The following AFAP1 variants were observed in gnomAD, a reference collection of about 807,000 sequenced individuals.
AFAP1 encodes actin filament associated protein 1.
Under a neutral mutation model 93.9 loss-of-function variants are expected in AFAP1, and 75 were observed. That is an observed-to-expected ratio of 0.80 (90% CI 0.66 to 0.97). The LOEUF (loss-of-function observed/expected upper bound fraction) is 0.97. Ranked by LOEUF, AFAP1 falls within the 50% of genes least tolerant of loss-of-function variation. The probability of loss-of-function intolerance (pLI) is 0.00; values close to 1 mark genes in which losing one functional copy is unlikely to be tolerated. For synonymous variants in AFAP1, 517 were observed against 430.7 expected (o/e 1.20, Z -2.48); for missense variants, 1,201 against 1,050.8 (o/e 1.14, Z -1.98).
chr4:7,816,084 T>C lies in AFAP1; in HGVS notation c.838A>G (p.Arg280Gly). 1.9e-6 allele frequency: 3 copies of C among 1,612,696 alleles called. No individual in the cohort carries two copies. The highest frequency in any genetic ancestry group is 2.5e-6 in the Non-Finnish European group (3 of 1,179,472). The change falls in exon 8 of 18, where the codon AGA becomes GGA. Residue 280 changes from arginine to glycine, a missense_variant. Coordinates refer to ENST00000420658, the MANE Select transcript of AFAP1 (RefSeq NM_001134647.2). ...AELEKKLSSE[R>G]PSSDGEGVVE... ...ACACCCTCCCCATCTGAGCTGGGTCTCTCTGAAGACAGTTTCTGTAAGGAG... is the reference window on the plus strand; with the variant it reads ...ACACCCTCCCCATCTGAGCTGGGTCCCTCTGAAGACAGTTTCTGTAAGGAG...
intron 2 of AFAP1, 94 bp downstream of exon 2, chr4:7,871,854 GAACA>G (rs1247432033): frequency 2.7e-6 from 4 of 1,462,836 alleles, no homozygotes; most frequent in Admixed American, 4.4e-5. Flanking sequence ...GTAAGTTAAA[GAACA>G]AATAAATATA....
intron 1 of AFAP1, among the ~76,000 whole-genome samples, chr4:7,890,022 A>AG (rs973837188): frequency 1.3e-5 from 2 of 150,740 alleles, no homozygotes; most frequent in Non-Finnish European, 3.0e-5. Context: ...AAAAAAAAAA[A>AG]AAGAAGCCAA....
chr4:7,796,446 C>T (rs890531603), intron 10 of AFAP1, among the ~76,000 whole-genome samples: 26 of 152,310 alleles, frequency 1.7e-4, no homozygotes, highest in African/African-American at 5.8e-4. Flanking sequence ...GATATAATCA[C>T]TGATTAAAAA....
intron 15 of AFAP1, chr4:7,773,252 G>T: frequency 1.9e-6 from 1 of 529,650 alleles, no homozygotes; most frequent in Non-Finnish European, 3.2e-6. Flanking sequence ...TGCTGATTCT[G>T]ACGAAGGCCA....
intron 1 of AFAP1, among the ~76,000 whole-genome samples, chr4:7,874,288 C>T (rs1184391196): frequency 6.7e-6 from 1 of 149,988 alleles, no homozygotes; most frequent in Non-Finnish European, 1.5e-5. Flanking sequence ...AGAATGTCTA[C>T]AATTTTCTGA....
At chr4:7,899,733 G>C (rs2149215924) in intron 1 of AFAP1, among the ~76,000 whole-genome samples, 1 of 152,260 alleles carries the variant, frequency 6.6e-6, no homozygotes, top group South Asian at 2.1e-4. Flanking sequence ...TTAGACAGCA[G>C]AAGAATAACA....
At chr4:7,784,877 G>A (rs757543160) in intron 12 of AFAP1, among the ~76,000 whole-genome samples, 5 of 152,268 alleles carry the variant, frequency 3.3e-5, no homozygotes, top group Non-Finnish European at 7.3e-5. Flanking sequence ...CGATGCCAGG[G>A]CTGATTGAGG....
chr4:7,768,894 C>A lies in AFAP1; in HGVS notation c.2368G>T (p.Ala790Ser). ...NSAAVLKKSQ[A>S]APGSSPCRGH... The stretch of plus-strand genomic sequence containing the variant: ...CGGCAGGGGGAGCTGCCCGGGGCAG[C>A]CTGGCTCTTCTTCAAGACGGCCGCG... The change falls in exon 17 of 18, where the codon GCT (alanine) becomes TCT (serine). Residue 790 changes from alanine (A) to serine (S), a missense_variant. By Grantham distance (99) the Ala-to-Ser change is moderately conservative. Coordinates refer to ENST00000420658, the MANE Select transcript of AFAP1 (RefSeq NM_001134647.2). The A allele has an allele frequency of 6.2e-7, 1 of 1,612,098 alleles. No homozygotes were observed. Among genetic ancestry groups the A allele is most frequent in the Non-Finnish European group, 8.5e-7 (1 of 1,178,622 alleles).
At chr4:7,819,303 G>A (rs1015514863) in intron 6 of AFAP1, 132 bp from the exon 7 acceptor site, 5 of 695,786 alleles carry the variant, frequency 7.2e-6, no homozygotes, top group Non-Finnish European at 1.1e-5. Flanking sequence ...CTGGCTCTGA[G>A]TTCCAGCGTG....
At chr4:7,936,580 TA>T (rs1560245364) in intron 1 of AFAP1, among the ~76,000 whole-genome samples, 4 of 137,654 alleles carry the variant, frequency 2.9e-5, no homozygotes, top group African/African-American at 8.6e-5. Flanking sequence ...TTACAAGCGG[TA>T]ATTTTTTTTT....
At position 7,906,263 on chromosome 4, in the gene AFAP1, AAGAGAATC is replaced by A. The variant is rs144326101; in HGVS notation, c.-3+33385_-3+33392del. On this transcript the variant is annotated intron_variant, in intron 1 of 17. Coordinates refer to ENST00000420658, the MANE Select transcript of AFAP1 (RefSeq NM_001134647.2). ...AAGGCTCTTAGCTTCTGTGAGCCACAAGAGAATCAGGGGGCAACAGAAGATATGAAAGC... is the reference window on the plus strand; with the variant it reads ...AAGGCTCTTAGCTTCTGTGAGCCACAAGGGGGCAACAGAAGATATGAAAGC... Among the ~76,000 whole-genome samples, 1,426 of 152,306 alleles carry A rather than the reference AAGAGAATC, an allele frequency of 9.4e-3. 24 individuals carry two copies. The highest frequency in any genetic ancestry group is 0.032 in the African/African-American group (1,342 of 41,556).
At chr4:7,804,476 A>AGGAGATC (rs1359357054) in intron 9 of AFAP1, among the ~76,000 whole-genome samples, 3 of 5,008 alleles carry the variant, frequency 6.0e-4, no homozygotes, top group African/African-American at 2.6e-3. Flanking sequence ...TGGCAAGAGG[A>AGGAGATC]TCATGCTAGA....
Position 7,763,588 on chromosome 4 carries a change from A to T in AFAP1, c.*177T>A. ...ACATCTTTTTTAAAGGCGCCATTTTACAGTAGAAAGAATACAAGTGGGCCT... is the reference window on the plus strand; with the variant it reads ...ACATCTTTTTTAAAGGCGCCATTTTTCAGTAGAAAGAATACAAGTGGGCCT... On this transcript the variant is annotated 3_prime_UTR_variant, in exon 18 of 18. Coordinates refer to ENST00000420658, the MANE Select transcript of AFAP1 (RefSeq NM_001134647.2). 3.2e-6 allele frequency: 2 copies of T among 623,028 alleles called. No individual in the cohort carries two copies. The highest frequency in any genetic ancestry group is 2.7e-6 in the Non-Finnish European group (1 of 375,968). 38.6% of individuals were successfully genotyped at this position (623,028 alleles called of 1,614,324 possible). A position where few individuals can be genotyped will look rare whatever the true frequency, so the allele number is the denominator to read the frequency against.
In AFAP1 at chr4:7,897,183, G is replaced by A. The variant is rs902478424; in HGVS notation, c.-2-25103C>T. On this transcript the variant is annotated intron_variant, in intron 1 of 17. Coordinates refer to ENST00000420658, the MANE Select transcript of AFAP1 (RefSeq NM_001134647.2). ...GCTGAGCTCAATCTCATCTTACAGAGGGTCAAAGAGGTGATGAAAAATAAT... is the reference window on the plus strand; with the variant it reads ...GCTGAGCTCAATCTCATCTTACAGAAGGTCAAAGAGGTGATGAAAAATAAT... 4.6e-5 allele frequency among the ~76,000 whole-genome samples: 7 copies of A among 152,248 alleles called. No homozygotes were observed. In the South Asian group the frequency reaches 1.2e-3, roughly 27 times the overall value.
intron 1 of AFAP1, chr4:7,872,346 T>C: frequency 2.6e-6 from 1 of 387,644 alleles, no homozygotes; most frequent in Non-Finnish European, 4.6e-6. Context: ...ACAGATGGTG[T>C]GACAACCCAA....
intron 6 of AFAP1, among the ~76,000 whole-genome samples, chr4:7,820,460 G>A (rs548844585): frequency 1.8e-4 from 28 of 152,250 alleles, no homozygotes; most frequent in Admixed American, 1.2e-3. Flanking sequence ...AGAAGGACCT[G>A]GAGCCCGTTG....
chr4:7,862,410 G>A (rs1385547345), intron 3 of AFAP1: 8 of 99,488 alleles, frequency 8.0e-5, no homozygotes, highest in African/African-American at 2.9e-4. Flanking sequence ...GGGGGGGGGG[G>A]GGGGCGCCGG....
chr4:7,918,970 A>AACAGGGCTGCCAGAT (rs1560236343), intron 1 of AFAP1, among the ~76,000 whole-genome samples: 50 of 86,790 alleles, frequency 5.8e-4, no homozygotes, highest in African/African-American at 1.3e-3. Context: ...GGCTGTTGGA[A>AACAGGGCTGCCAGAT]GAGACACTCG....
chr4:7,797,728 T>C lies in AFAP1; in HGVS notation c.1266+2714A>G, dbSNP rs536068980. Among the ~76,000 whole-genome samples the C allele has an allele frequency of 2.6e-5, 4 of 152,344 alleles. No individual in the cohort carries two copies. The East Asian group carries it at 7.7e-4, about 29-fold the overall frequency. On this transcript the variant is annotated intron_variant, in intron 10 of 17. Coordinates refer to ENST00000420658, the MANE Select transcript of AFAP1 (RefSeq NM_001134647.2). ...ATCTAGGACTCAGACCAGCATGCTG[T>C]ATGCATGGTAGTTTCCTGACTGTGA...
Sources: gnomAD v4.1 joint callset for allele counts (sites outside exome capture counted in the v4.1 genomes callset) on GRCh38, gnomAD v4.1.1 for gene constraint, MANE v1.5 for transcripts, NCBI Gene and HGNC (gene_info 2026-07-23, HGNC 2026-07-21) for gene names.